DNAH14: variants seen among roughly 807,000 people sequenced by gnomAD.
DNAH14 encodes dynein axonemal heavy chain 14.
A neutral mutation model predicts 520.9 loss-of-function variants in DNAH14; 478 were observed. That is an observed-to-expected ratio of 0.92 (90% CI 0.85 to 0.99). DNAH14 has a LOEUF of 0.99. Among genes scored for constraint, DNAH14 ranks in the 50% least tolerant of loss-of-function variants. The pLI is 0.00. For missense variants in DNAH14, 4,831 were observed against 5,234.5 expected (o/e 0.92, Z 2.38); for synonymous variants, 1,581 against 1,757.2 (o/e 0.90, Z 2.51).
chr1:224,953,551 T>C (rs1222603223), intron 2 of DNAH14, among the ~76,000 whole-genome samples: 3 of 152,096 alleles, frequency 2.0e-5, no homozygotes, highest in Admixed American at 6.5e-5. Context: ...TATAAAAAAC[T>C]TATTATAAAG....
chr1:225,330,696 T>C (rs1230880472), intron 64 of DNAH14, among the ~76,000 whole-genome samples: 1 of 152,156 alleles, frequency 6.6e-6, no homozygotes, highest in East Asian at 1.9e-4. Flanking sequence ...TAAGAATGGT[T>C]AATGGATACG....
intron 55 of DNAH14, among the ~76,000 whole-genome samples, chr1:225,297,276 A>G (rs1343256075): frequency 6.6e-6 from 1 of 151,602 alleles, no homozygotes; most frequent in Non-Finnish European, 1.5e-5. Flanking sequence ...TATCTTCCTG[A>G]TTTTGTTGAG....
intron 36 of DNAH14, among the ~76,000 whole-genome samples, chr1:225,180,249 T>A (rs147947116): frequency 6.6e-6 from 1 of 152,250 alleles, no homozygotes; most frequent in Non-Finnish European, 1.5e-5. Context: ...CTTTTATATA[T>A]GCTCTTTTGA....
intron 83 of DNAH14, among the ~76,000 whole-genome samples, chr1:225,390,189 G>A (rs2095889359): frequency 6.6e-6 from 1 of 152,130 alleles, no homozygotes; most frequent in Admixed American, 6.5e-5. Context: ...CTCCTCCAAA[G>A]GCCGTGACAA....
intron 36 of DNAH14, among the ~76,000 whole-genome samples, chr1:225,170,296 A>C (rs1011786720): frequency 6.6e-6 from 1 of 152,214 alleles, no homozygotes; most frequent in African/African-American, 2.4e-5. Context: ...AAATGGGCTG[A>C]ATGCTCCAAT....
Position 225,338,104 on chromosome 1 carries a change from A to G in DNAH14, c.10355A>G (p.Lys3452Arg). 2 of 1,551,426 alleles carry G rather than the reference A, an allele frequency of 1.3e-6. No homozygotes were observed. The highest frequency in any genetic ancestry group is 2.4e-5 in the South Asian group (2 of 83,888). Residue 3452 changes from lysine (K) to arginine (R), a missense_variant, in exon 68 of 86, where the codon AAA becomes AGA. Physicochemically the swap from Lys to Arg is conservative, Grantham distance 26 (BLOSUM62 2). Coordinates refer to ENST00000682510, the MANE Select transcript of DNAH14 (RefSeq NM_001367479.1). ...GCTCCAGGCTTAAAGGCAATTCTGA[A>G]AAAGGATATCTATCAGAAAAAAGGA... ...TLAPGLKAIL[K>R]KDIYQKKGHY...
chr1:225,291,633 T>G (rs1441167623), intron 55 of DNAH14, among the ~76,000 whole-genome samples: 4 of 151,962 alleles, frequency 2.6e-5, no homozygotes, highest in African/African-American at 9.7e-5. Context: ...TCATATGTAG[T>G]TTTTTGAGGA....
chr1:224,975,549 A>G (rs1328412296), intron 8 of DNAH14, among the ~76,000 whole-genome samples: 1 of 151,608 alleles, frequency 6.6e-6, no homozygotes, highest in African/African-American at 2.4e-5. Flanking sequence ...GGTAGTTTGT[A>G]TTTCTGTGGG....
rs758354784 is a variant in DNAH14 at position 225,210,582 on chromosome 1, AG to A, written c.6439+3363del. 1.2e-3 allele frequency among the ~76,000 whole-genome samples: 184 copies of A among 151,848 alleles called. 2 individuals carry two copies. The highest frequency in any genetic ancestry group is 6.8e-3 in the Middle Eastern group (2 of 294). On this transcript the variant is annotated intron_variant, in intron 41 of 85. Coordinates refer to ENST00000682510, the MANE Select transcript of DNAH14 (RefSeq NM_001367479.1). ...TGGGGGAAGGGTTGGCTGCTGCTTC[AG>A]CAGACTTAAACATTCCTTCTGCTGT... is the stretch of plus-strand genomic sequence containing the variant.
intron 2 of DNAH14, chr1:224,953,018 A>C: frequency 3.5e-6 from 1 of 289,374 alleles, no homozygotes; most frequent in South Asian, 6.9e-5. Flanking sequence ...AAAAAGTGAG[A>C]AGGAGGTTGT....
chr1:225,060,031 C>T (rs2069800501), intron 17 of DNAH14, among the ~76,000 whole-genome samples: 1 of 151,694 alleles, frequency 6.6e-6, no homozygotes, highest in Admixed American at 6.6e-5. Context: ...CGAGGAGTAT[C>T]TTTGTGGCGT....
intron 8 of DNAH14, among the ~76,000 whole-genome samples, chr1:224,988,110 G>A (rs921464107): frequency 7.2e-5 from 11 of 151,914 alleles, no homozygotes; most frequent in African/African-American, 1.9e-4. Context: ...GTGTCCATGC[G>A]TTATCATTGT....
rs540887807 is a variant in DNAH14, at chr1:225,266,394, T to A, written c.7411-247T>A. On this transcript the variant is annotated intron_variant, in intron 48 of 85. Transcript: ENST00000682510. Reference sequence around the variant, plus strand: ...TATTGTCAGACATAATTATTATAGATCTATAGAAGGTGAATAGAGTGTCTG... The same window carrying A: ...TATTGTCAGACATAATTATTATAGAACTATAGAAGGTGAATAGAGTGTCTG... Among the ~76,000 whole-genome samples, 11 of 152,268 alleles carry A rather than the reference T, an allele frequency of 7.2e-5. No homozygotes were observed. The South Asian group carries it at 2.1e-3, about 29-fold the overall frequency.
intron 17 of DNAH14, among the ~76,000 whole-genome samples, chr1:225,076,797 CT>C (rs967919953): frequency 1.5e-4 from 23 of 148,700 alleles, no homozygotes; most frequent in South Asian, 1.1e-3. Context: ...AAAATACCTT[CT>C]TTTTTTTTTA....
intron 54 of DNAH14, among the ~76,000 whole-genome samples, chr1:225,277,969 A>G (rs1368420908): frequency 6.6e-6 from 1 of 152,092 alleles, no homozygotes; most frequent in Non-Finnish European, 1.5e-5. Context: ...AAGCATATTA[A>G]TTATTTTTAT....
At chr1:224,971,688 G>T (rs1298323845) in intron 7 of DNAH14, among the ~76,000 whole-genome samples, 2 of 152,330 alleles carry the variant, frequency 1.3e-5, no homozygotes. Flanking sequence ...AGACAGCCAT[G>T]TGGGGCTTCC....
Position 225,307,600 on chromosome 1 carries a change from T to C in DNAH14, c.9114+31T>C, listed in dbSNP as rs754791821. 8 of 1,481,184 alleles carry C rather than the reference T, an allele frequency of 5.4e-6. No individual in the cohort carries two copies. In the South Asian group the frequency reaches 1.0e-4, roughly 19 times the overall value. The allele number at this position is 1,481,184 out of a possible 1,614,324, so 91.8% of individuals were successfully genotyped here. Reference sequence around the variant, plus strand: ...TTTGCTTTGAAATCTCTTTTAAAGATTTTATAGTCTAATATAGAACAGTGT... The same window carrying C: ...TTTGCTTTGAAATCTCTTTTAAAGACTTTATAGTCTAATATAGAACAGTGT... On this transcript the variant is annotated intron_variant, in intron 59 of 85. Coordinates refer to ENST00000682510, the MANE Select transcript of DNAH14 (RefSeq NM_001367479.1).
At chr1:225,321,689 G>C (rs535962198) in intron 61 of DNAH14, among the ~76,000 whole-genome samples, 1 of 152,108 alleles carries the variant, frequency 6.6e-6, no homozygotes, top group African/African-American at 2.4e-5. Flanking sequence ...TTCTGACCCT[G>C]ACTTTCCAAA....
rs192612944 is a variant in DNAH14 at position 225,239,449 on chromosome 1, C to T, written c.6519-1144C>T. Among the ~76,000 whole-genome samples the T allele has an allele frequency of 6.8e-4, 103 of 152,212 alleles. 1 individual carries two copies. The East Asian group carries it at 0.016, about 23-fold the overall frequency. The stretch of plus-strand genomic sequence containing the variant: ...GAAGGGGGTTCCTTTGGCTATGTGC[C>T]ACTCGCAGGTGGACCATCACCCGAC... On this transcript the variant is annotated intron_variant, in intron 42 of 85. Coordinates refer to ENST00000682510, the MANE Select transcript of DNAH14 (RefSeq NM_001367479.1).
Sources: allele counts gnomAD v4.1 joint callset (sites outside exome capture counted in the v4.1 genomes callset), GRCh38; gene constraint gnomAD v4.1.1; transcripts MANE v1.5; gene names NCBI Gene and HGNC (gene_info 2026-07-23, HGNC 2026-07-21).